The following ATG7 variants were observed in gnomAD, a reference collection of about 807,000 sequenced individuals.
ATG7 encodes the protein ubiquitin-like modifier-activating enzyme ATG7.
ATG7 carries 70 observed loss-of-function variants against 82.4 expected under a neutral mutation model. That is an observed-to-expected ratio of 0.85 (90% confidence interval 0.70 to 1.04). The LOEUF is 1.04. ATG7 is among the 50% of genes least tolerant of loss of function. ATG7 has a pLI of 0.00. For missense variants in ATG7, 792 were observed against 864.3 expected, an observed-to-expected ratio of 0.92 and a Z score of 1.05; for synonymous variants, 287 against 313.0, an observed-to-expected ratio of 0.92 and a Z score of 0.88.
At chr3:11,550,186 A>C (rs1422638702) in intron 20 of ATG7, among the ~76,000 whole-genome samples, 2 of 152,012 alleles carry the variant, frequency 1.3e-5, no homozygotes, top group African/African-American at 2.4e-5. Flanking sequence ...TATCCTTCCA[A>C]GATCAGAAAT....
downstream of ATG7, chr3:11,558,438 A>G: frequency 7.1e-7 from 1 of 1,406,042 alleles, no homozygotes; most frequent in African/African-American, 1.4e-5. Context: ...TTTTGCAAAT[A>G]AACCATCCCT....
At chr3:11,283,026 C>A (rs1390445810) in intron 3 of ATG7, among the ~76,000 whole-genome samples, 5 of 152,086 alleles carry the variant, frequency 3.3e-5, no homozygotes, top group African/African-American at 1.2e-4. Flanking sequence ...CCATTTTGGC[C>A]CAGAGAAGGC....
chr3:11,407,808 T>C (rs2080492334), intron 19 of ATG7, among the ~76,000 whole-genome samples: 1 of 152,214 alleles, frequency 6.6e-6, no homozygotes, highest in Non-Finnish European at 1.5e-5. Context: ...CACCAAGTCC[T>C]TAGGCTGTAC....
chr3:11,505,169 T>C (rs916300077), intron 20 of ATG7, among the ~76,000 whole-genome samples: 3 of 152,224 alleles, frequency 2.0e-5, no homozygotes, highest in African/African-American at 7.2e-5. Flanking sequence ...TGTTCATACA[T>C]AATTTTACTC....
chr3:11,530,989 A>G (rs1350497291), intron 20 of ATG7, among the ~76,000 whole-genome samples: 1 of 152,120 alleles, frequency 6.6e-6, no homozygotes, highest in African/African-American at 2.4e-5. Context: ...TCGGAAAATA[A>G]TAATAATAAA....
rs983131903 is a variant in ATG7 at position 11,488,523 on chromosome 3, G to A, written c.2079+61597G>A. The A allele has an allele frequency of 2.3e-4, 268 of 1,180,192 alleles. 1 individual carries two copies. The African/African-American group carries it at 3.9e-3, about 17-fold the overall frequency. 73.1% of individuals were successfully genotyped at this position (1,180,192 alleles called of 1,614,324 possible). The stretch of plus-strand genomic sequence containing the variant: ...TCAGCGCCGCGACTGTCCCGGCTCC[G>A]CACTGCCCCGGGCCGCAGCGCAGCG... On this transcript the variant is annotated intron_variant, in intron 20 of 20. Transcript: ENST00000693202.
At chr3:11,465,444 C>CA (rs34071637) in intron 20 of ATG7, among the ~76,000 whole-genome samples, 42,286 of 116,494 alleles carry the variant, frequency 0.36, 7,440 homozygotes, top group African/African-American at 0.5. Flanking sequence ...GACTCTGTCT[C>CA]AAAAAAAAAA....
chr3:11,340,562 C>T, intron 11 of ATG7, 83 bp from the exon 12 acceptor site: 1 of 1,267,568 alleles, frequency 7.9e-7, no homozygotes, highest in Non-Finnish European at 1.1e-6. Flanking sequence ...GAATGTCGAT[C>T]TTTTTTATGT....
chr3:11,286,753 G>A (rs1253704020), intron 3 of ATG7, among the ~76,000 whole-genome samples: 1 of 151,020 alleles, frequency 6.6e-6, no homozygotes, highest in Non-Finnish European at 1.5e-5. Flanking sequence ...GCATGCCACC[G>A]CCATGCCCAG....
At chr3:11,321,663 C>T (rs1035847001) in intron 9 of ATG7, among the ~76,000 whole-genome samples, 1 of 152,048 alleles carries the variant, frequency 6.6e-6, no homozygotes, top group Admixed American at 6.6e-5. Flanking sequence ...GTAGGAAGGC[C>T]AGACTTCAGT....
intron 20 of ATG7, among the ~76,000 whole-genome samples, chr3:11,538,583 C>CTG (rs1405863395): frequency 1.3e-5 from 2 of 150,554 alleles, no homozygotes; most frequent in East Asian, 4.0e-4. Flanking sequence ...GGGCTCACAC[C>CTG]TGTAATCCCA....
intron 8 of ATG7, 132 bp downstream of exon 8, chr3:11,313,552 C>T: frequency 1.8e-6 from 1 of 569,822 alleles, no homozygotes; most frequent in African/African-American, 1.9e-5. Context: ...AAAGGTGGTA[C>T]TAGGAGCAGA....
At chr3:11,567,294 A>G in the ATG7 span, among the ~76,000 whole-genome samples, 23 of 152,314 alleles carry the variant, frequency 1.5e-4, no homozygotes, top group South Asian at 4.6e-3. Flanking sequence ...GCCCTCAGTG[A>G]GCGCCAAGAG....
chr3:11,509,526 T>C (rs893477755), intron 20 of ATG7, among the ~76,000 whole-genome samples: 10 of 152,040 alleles, frequency 6.6e-5, no homozygotes, highest in African/African-American at 1.9e-4. Flanking sequence ...AAATTGTTTG[T>C]ATTTTATGAG....
At chr3:11,309,348 C>T (rs537052383) in intron 7 of ATG7, among the ~76,000 whole-genome samples, 5 of 152,232 alleles carry the variant, frequency 3.3e-5, no homozygotes, top group African/African-American at 1.2e-4. Context: ...TTGTTGCTAA[C>T]GCCTTTGTTA....
At chr3:11,517,447 A>T (rs1374868492) in intron 20 of ATG7, among the ~76,000 whole-genome samples, 6 of 152,078 alleles carry the variant, frequency 3.9e-5, no homozygotes, top group African/African-American at 1.2e-4. Flanking sequence ...TGCACAGAGG[A>T]TTTTTGAGGC....
chr3:11,484,803 T>C (rs906933360), intron 20 of ATG7, among the ~76,000 whole-genome samples: 8 of 152,148 alleles, frequency 5.3e-5, no homozygotes, highest in Non-Finnish European at 1.0e-4. Flanking sequence ...GTTTGGTTTT[T>C]TGTTCTTGCG....
At chr3:11,478,022 C>T (rs1257696914) in intron 20 of ATG7, among the ~76,000 whole-genome samples, 3 of 152,112 alleles carry the variant, frequency 2.0e-5, no homozygotes, top group African/African-American at 7.2e-5. Flanking sequence ...TATACCCATC[C>T]CTGGACTAAT....
At chr3:11,387,637 T>C (rs1226021022) in intron 19 of ATG7, among the ~76,000 whole-genome samples, 1 of 152,212 alleles carries the variant, frequency 6.6e-6, no homozygotes, top group Non-Finnish European at 1.5e-5. Flanking sequence ...TCATGGATTG[T>C]GTTCAGACTG....
Sources: allele counts gnomAD v4.1 joint callset (sites outside exome capture counted in the v4.1 genomes callset), GRCh38; gene constraint gnomAD v4.1.1; transcripts MANE v1.5; gene names NCBI Gene and HGNC (gene_info 2026-07-23, HGNC 2026-07-21).